Variants in MGA observed in about 807,000 individuals in gnomAD.
The protein encoded by MGA is MAX dimerization protein MGA, also known as MAX gene-associated protein.
In MGA, 40 loss-of-function variants were observed where a neutral mutation model predicts 261.1. That is an observed-to-expected ratio of 0.15 (90% confidence interval 0.12 to 0.20). The LOEUF (loss-of-function observed/expected upper bound fraction) is 0.20. MGA is among the 10% of genes least tolerant of loss of function. The pLI is 1.00. For missense variants in MGA, 3,397 were observed against 3,630.5 expected, an observed-to-expected ratio of 0.94 and a Z score of 1.65; for synonymous variants, 1,302 against 1,290.6, an observed-to-expected ratio of 1.01 and a Z score of -0.19.
At chr15:41,755,309 C>T (rs144656627) in intron 18 of MGA, among the ~76,000 whole-genome samples, 2 of 152,258 alleles carry the variant, frequency 1.3e-5, no homozygotes, top group African/African-American at 4.8e-5. Context: ...CCTACTGATG[C>T]TGAGAAAGTT....
intron 1 of MGA, chr15:41,621,673 T>G (rs1221773504): frequency 6.8e-6 from 1 of 147,272 alleles, no homozygotes; most frequent in Non-Finnish European, 1.5e-5. Context: ...GTGTTAAGAG[T>G]CTGGGTGTTT....
At chr15:41,701,271 A>G (rs1272353821) in intron 5 of MGA, among the ~76,000 whole-genome samples, 1 of 151,570 alleles carries the variant, frequency 6.6e-6, no homozygotes, top group Non-Finnish European at 1.5e-5. Context: ...TTTTCTTGAT[A>G]ATGTAGAAAT....
intron 19 of MGA, 49 bp from the exon 20 acceptor site, chr15:41,760,274 G>A (rs2151988944): frequency 1.3e-6 from 2 of 1,573,022 alleles, no homozygotes; most frequent in South Asian, 1.1e-5. Context: ...CAGAGTAAGA[G>A]GGCCAACTAC....
chr15:41,708,214 T>C lies in MGA; in HGVS notation c.2425+6T>C, dbSNP rs374514222. 2 of 1,547,062 alleles carry C rather than the reference T, an allele frequency of 1.3e-6. No individual in the cohort carries two copies. The highest frequency in any genetic ancestry group is 1.7e-6 in the Non-Finnish European group (2 of 1,143,258). ...TTCTGCATCTAGGAATGAAGGTAATTAGTTTTTTAAAATTTTTTAAATGTT... is the reference window on the plus strand; with the variant it reads ...TTCTGCATCTAGGAATGAAGGTAATCAGTTTTTTAAAATTTTTTAAATGTT... On this transcript the variant is annotated splice_donor_region_variant and intron_variant, in intron 7 of 23. Coordinates refer to ENST00000219905, the MANE Select transcript of MGA (RefSeq NM_001164273.2).
At chr15:41,644,988 A>G (rs1440933745) in intron 1 of MGA, among the ~76,000 whole-genome samples, 1 of 152,220 alleles carries the variant, frequency 6.6e-6, no homozygotes, top group East Asian at 1.9e-4. Context: ...CAAATTTTGT[A>G]TTGATGAAAA....
At chr15:41,681,759 AT>A (rs1339019491) in intron 2 of MGA, among the ~76,000 whole-genome samples, 1 of 151,978 alleles carries the variant, frequency 6.6e-6, no homozygotes, top group Non-Finnish European at 1.5e-5. Context: ...CAAATAATCC[AT>A]TTTTTTATGT....
At chr15:41,647,524 C>T (rs559735538) in intron 1 of MGA, among the ~76,000 whole-genome samples, 1 of 152,278 alleles carries the variant, frequency 6.6e-6, no homozygotes, top group African/African-American at 2.4e-5. Context: ...CTTCCTTGTT[C>T]TTTAAGACAT....
At chr15:41,701,101 G>A (rs2059828944) in intron 5 of MGA, among the ~76,000 whole-genome samples, 1 of 152,128 alleles carries the variant, frequency 6.6e-6, no homozygotes, top group African/African-American at 2.4e-5. Context: ...TGCAGATAAC[G>A]TTTGCTGCTG....
chr15:41,707,953 T>G (rs1030785577), intron 6 of MGA, 94 bp downstream of exon 6: 1 of 1,454,036 alleles, frequency 6.9e-7, no homozygotes, highest in African/African-American at 1.4e-5. Flanking sequence ...TTGGTGACAT[T>G]TAACATTAGT....
intron 17 of MGA, chr15:41,752,385 T>G (rs1319456235): frequency 1.3e-5 from 2 of 152,198 alleles, no homozygotes; most frequent in African/African-American, 2.4e-5. Context: ...CAAGAATGGA[T>G]GTAAATTCAT....
At chr15:41,718,320 TAC>T (rs1555424434) in intron 9 of MGA, 2 of 239,058 alleles carry the variant, frequency 8.4e-6, no homozygotes, top group South Asian at 1.6e-4. Flanking sequence ...TATATATATA[TAC>T]ATATATATAT....
At chr15:41,635,119 AG>A (rs1484364734) in intron 1 of MGA, among the ~76,000 whole-genome samples, 1 of 152,046 alleles carries the variant, frequency 6.6e-6, no homozygotes, top group Non-Finnish European at 1.5e-5. Flanking sequence ...GGATCACTTA[AG>A]GTCAGGAGTT....
Position 41,696,471 on chromosome 15 carries a change from C to G in MGA, c.1461C>G (p.Pro487=), listed in dbSNP as rs375806857. 6.2e-7 allele frequency: 1 copy of G among 1,613,936 alleles called. No individual in the cohort carries two copies. Among genetic ancestry groups the G allele is most frequent in the East Asian group, 2.2e-5 (1 of 44,884 alleles). Residue 487 remains proline, a synonymous_variant, in exon 3 of 24, where the codon CCC becomes CCG. Transcript: ENST00000219905. ...GCACAGTTAAGATTTCTGAACTCCC[C>G]GATAACATGCTTTCCACATCTCGAA...
At chr15:41,653,015 T>G (rs1216126971) in intron 1 of MGA, among the ~76,000 whole-genome samples, 1 of 152,206 alleles carries the variant, frequency 6.6e-6, no homozygotes, top group Non-Finnish European at 1.5e-5. Context: ...TGCACCGCAT[T>G]CAAGTTGCTT....
rs57814590 is a variant in MGA, at chr15:41,718,301, G to GTATATA, written c.3430+4820_3430+4825dup. 6.3e-3 allele frequency: 1,217 copies of GTATATA among 193,514 alleles called. 2 individuals carry two copies. The highest frequency in any genetic ancestry group is 8.0e-3 in the African/African-American group (312 of 39,232). The allele number at this position is 193,514 out of a possible 1,614,324, so 12.0% of individuals were successfully genotyped here. ...GTGTATATGTAGTGTGTGTGTGTGT[G>GTATATA]TATATATATATATATATATACATAT... On this transcript the variant is annotated intron_variant, in intron 9 of 23. Coordinates refer to ENST00000219905, the MANE Select transcript of MGA (RefSeq NM_001164273.2).
At chr15:41,643,515 C>T (rs781698973) in intron 1 of MGA, among the ~76,000 whole-genome samples, 19 of 152,174 alleles carry the variant, frequency 1.2e-4, no homozygotes, top group Middle Eastern at 3.4e-3. Flanking sequence ...GCTGGGATTA[C>T]AGGGGTGAGC....
intron 13 of MGA, among the ~76,000 whole-genome samples, chr15:41,737,614 G>T (rs1194824669): frequency 6.6e-6 from 1 of 152,082 alleles, no homozygotes; most frequent in Non-Finnish European, 1.5e-5. Context: ...ATTCACGCAG[G>T]TTGTATTAGT....
At chr15:41,662,384 A>G (rs1238864320) in intron 1 of MGA, among the ~76,000 whole-genome samples, 1 of 152,170 alleles carries the variant, frequency 6.6e-6, no homozygotes, top group Non-Finnish European at 1.5e-5. Flanking sequence ...GCAGTAACAA[A>G]TGATATCTGG....
At chr15:41,712,923 A>G (rs768230255) in intron 8 of MGA, among the ~76,000 whole-genome samples, 1 of 152,220 alleles carries the variant, frequency 6.6e-6, no homozygotes, top group Non-Finnish European at 1.5e-5. Flanking sequence ...TTATATTGAA[A>G]ATAAATCCAT....
Sources: allele counts gnomAD v4.1 joint callset (sites outside exome capture counted in the v4.1 genomes callset), GRCh38; gene constraint gnomAD v4.1.1; transcripts MANE v1.5; gene names NCBI Gene and HGNC (gene_info 2026-07-23, HGNC 2026-07-21).